INPP5A: variants seen among roughly 807,000 people sequenced by gnomAD.
INPP5A encodes the protein inositol polyphosphate-5-phosphatase A.
In INPP5A, 14 loss-of-function variants were observed where a neutral mutation model predicts 65.2. The ratio of observed to expected loss-of-function variants is 0.21; its 90% CI spans 0.14 to 0.34. The LOEUF is 0.34. Ranked by LOEUF, INPP5A falls within the 10% of genes least tolerant of loss-of-function variation. INPP5A has a pLI of 1.00. For synonymous variants in INPP5A, 207 were observed against 208.3 expected (o/e 0.99, Z 0.05); for missense variants, 431 against 545.6 (o/e 0.79, Z 2.09).
At position 132,675,386 on chromosome 10, in the gene INPP5A, C is replaced by T. The variant is rs945237146; in HGVS notation, c.307-15006C>T. ...TAAGTACTAACGGATGTTCTTCAAG[C>T]GGAGAGAAAATGATCTCATATGAAG... On this transcript the variant is annotated intron_variant, in intron 4 of 15. Transcript: ENST00000368594. The surrounding 1 kb of genome is among the most constrained non-coding windows in gnomAD (Gnocchi z 4.2). Among the ~76,000 whole-genome samples, 9 of 152,084 alleles carry T rather than the reference C, an allele frequency of 5.9e-5. No individual in the cohort carries two copies. The highest frequency in any genetic ancestry group is 9.7e-5 in the African/African-American group (4 of 41,394).
intron 8 of INPP5A, among the ~76,000 whole-genome samples, chr10:132,721,702 C>T (rs910634853): frequency 3.5e-5 from 5 of 143,062 alleles, no homozygotes; most frequent in African/African-American, 1.5e-4. Context: ...TTCTGTGGTG[C>T]CTGGGTTCTG....
At chr10:132,730,367 C>T (rs1466603085) in intron 9 of INPP5A, among the ~76,000 whole-genome samples, 7 of 152,244 alleles carry the variant, frequency 4.6e-5, no homozygotes, top group African/African-American at 1.7e-4. Flanking sequence ...CCAGTGCAGC[C>T]GGGTGGGCTG....
chr10:132,727,633 G>T lies in INPP5A; in HGVS notation c.732+728G>T, dbSNP rs1232698028. Reference sequence around the variant, plus strand: ...CACTTCCCGGGCAGCTGTGAAGAGGGGGGTGTGGGAAATGGTGGAGCACCT... The same window carrying T: ...CACTTCCCGGGCAGCTGTGAAGAGGTGGGTGTGGGAAATGGTGGAGCACCT... On this transcript the variant is annotated intron_variant, in intron 9 of 15. Coordinates refer to ENST00000368594, the MANE Select transcript of INPP5A (RefSeq NM_005539.5). This position sits in a 1 kb window ranked among gnomAD's most constrained non-coding sequence, Gnocchi z 6.5. 1.3e-5 allele frequency among the ~76,000 whole-genome samples: 2 copies of T among 152,198 alleles called. No homozygotes were observed. The highest frequency in any genetic ancestry group is 2.9e-5 in the Non-Finnish European group (2 of 68,032).
intron 3 of INPP5A, among the ~76,000 whole-genome samples, chr10:132,647,190 A>G (rs997255375): frequency 6.7e-6 from 1 of 148,810 alleles, no homozygotes; most frequent in Non-Finnish European, 1.5e-5. Context: ...ATCTGAGCTC[A>G]CTGCAAGCAC....
At chr10:132,747,908 G>T (rs1846400337) in intron 9 of INPP5A, among the ~76,000 whole-genome samples, 1 of 152,074 alleles carries the variant, frequency 6.6e-6, no homozygotes, top group Non-Finnish European at 1.5e-5. Flanking sequence ...AATTAGCTGG[G>T]CATGGTGGTG....
chr10:132,560,323 A>C (rs1475593980), intron 1 of INPP5A, among the ~76,000 whole-genome samples: 1 of 152,146 alleles, frequency 6.6e-6, no homozygotes, highest in Non-Finnish European at 1.5e-5. Context: ...GATAATTCTG[A>C]CTTTTTAAGG....
intron 8 of INPP5A, 114 bp from the exon 9 acceptor site, chr10:132,726,707 G>A (rs944033318): frequency 1.6e-5 from 12 of 728,394 alleles, no homozygotes; most frequent in Middle Eastern, 2.8e-4. Flanking sequence ...TTCCCCTGCA[G>A]CAGGTGACAG....
chr10:132,738,850 C>T (rs1398471669), intron 9 of INPP5A, among the ~76,000 whole-genome samples: 4 of 152,340 alleles, frequency 2.6e-5, no homozygotes, highest in East Asian at 3.9e-4. Flanking sequence ...TGCATTTCTG[C>T]ACCCCATAAG....
At chr10:132,780,645 C>T (rs2134698246) in intron 13 of INPP5A, among the ~76,000 whole-genome samples, 1 of 152,402 alleles carries the variant, frequency 6.6e-6, no homozygotes, top group Non-Finnish European at 1.5e-5. Context: ...GGCGCTGCCA[C>T]ATCACCAGAG....
At chr10:132,591,109 A>C (rs1463425881) in intron 1 of INPP5A, among the ~76,000 whole-genome samples, 1 of 152,064 alleles carries the variant, frequency 6.6e-6, no homozygotes, top group Non-Finnish European at 1.5e-5. Context: ...CCGTTTTTCC[A>C]TCAGTTTTGT....
chr10:132,568,683 G>A (rs1239861869), intron 1 of INPP5A, among the ~76,000 whole-genome samples: 1 of 152,160 alleles, frequency 6.6e-6, no homozygotes, highest in East Asian at 1.9e-4. Flanking sequence ...CTTGAACCCA[G>A]GAGGTGGAGG....
chr10:132,544,420 G>T (rs1280060578), intron 1 of INPP5A, among the ~76,000 whole-genome samples: 3 of 152,164 alleles, frequency 2.0e-5, no homozygotes, highest in Non-Finnish European at 4.4e-5. Context: ...AATGGGCGTG[G>T]CTGGAGGTGT....
chr10:132,781,978 T>A, intron 15 of INPP5A, 30 bp downstream of exon 15: 3 of 1,612,718 alleles, frequency 1.9e-6, no homozygotes, highest in Non-Finnish European at 1.7e-6. Context: ...CCAGTTCAGC[T>A]TTTACGCAGC....
rs537685411 is a variant in INPP5A, at chr10:132,781,322, T to G, written c.1158+405T>G. Among the ~76,000 whole-genome samples the G allele has an allele frequency of 2.6e-5, 4 of 152,232 alleles. No individual in the cohort carries two copies. In the East Asian group the frequency reaches 7.7e-4, roughly 29 times the overall value. ...AGCCGAGGAGCCGGGGTGAGGGCGC[T>G]CCCCACCGTGTGCCAAGGGGCAGCA... On this transcript the variant is annotated intron_variant, in intron 14 of 15. Transcript: ENST00000368594.
intron 13 of INPP5A, among the ~76,000 whole-genome samples, chr10:132,778,866 A>G (rs4609519): frequency 0.17 from 25,968 of 152,270 alleles, 2,662 homozygotes; most frequent in Non-Finnish European, 0.23. Flanking sequence ...ACACCTGGGT[A>G]CAGGTGTGCC....
At chr10:132,748,144 G>T (rs1290036866) in intron 9 of INPP5A, among the ~76,000 whole-genome samples, 1 of 152,106 alleles carries the variant, frequency 6.6e-6, no homozygotes, top group African/African-American at 2.4e-5. Context: ...ATATAATCCA[G>T]TTCTAGACTA....
intron 1 of INPP5A, among the ~76,000 whole-genome samples, chr10:132,560,098 G>A (rs1330279348): frequency 2.0e-5 from 3 of 151,880 alleles, no homozygotes; most frequent in Non-Finnish European, 4.4e-5. Context: ...GGGTCACGAT[G>A]TGTCTTCAGC....
intron 4 of INPP5A, among the ~76,000 whole-genome samples, chr10:132,660,005 C>T (rs558257556): frequency 2.6e-5 from 4 of 152,346 alleles, no homozygotes; most frequent in East Asian, 1.9e-4. Flanking sequence ...TCTCATGCTC[C>T]GCCGACGCGT....
chr10:132,613,029 A>AC lies in INPP5A; in HGVS notation c.117+5077dup, dbSNP rs1339194843. Among the ~76,000 whole-genome samples the AC allele has an allele frequency of 5.9e-5, 9 of 152,062 alleles. 1 individual carries two copies. In the South Asian group the frequency reaches 1.7e-3, roughly 28 times the overall value. On this transcript the variant is annotated intron_variant, in intron 2 of 15. Coordinates refer to ENST00000368594, the MANE Select transcript of INPP5A (RefSeq NM_005539.5). ...GCAGTCTTGGGGAGCAGGCGGCAAG[A>AC]CCCCAACTTGACAGACCTCAGATCC...
Sources: gnomAD v4.1 joint callset for allele counts (sites outside exome capture counted in the v4.1 genomes callset) on GRCh38, gnomAD v4.1.1 for gene constraint, Gnocchi (gnomAD v3.1) non-coding constraint, MANE v1.5 for transcripts, NCBI Gene and HGNC (gene_info 2026-07-23, HGNC 2026-07-21) for gene names.